Variants in PCDHGA5 observed in about 807,000 individuals in gnomAD.
PCDHGA5 encodes protocadherin gamma subfamily A, 5.
Under a neutral mutation model 56.7 loss-of-function variants are expected in PCDHGA5, and 36 were observed. The observed-to-expected ratio is 0.64, with a 90% CI of 0.49 to 0.84. The LOEUF is 0.84. Among genes scored for constraint, PCDHGA5 ranks in the 40% least tolerant of loss-of-function variants. The pLI is 0.00. For missense variants in PCDHGA5, 1,305 were observed against 1,201.5 expected (o/e 1.09, Z -1.27); for synonymous variants, 563 against 520.2 (o/e 1.08, Z -1.12).
chr5:141,425,015 A>G (rs1285592254), intron 1 of PCDHGA5, among the ~76,000 whole-genome samples: 2 of 152,190 alleles, frequency 1.3e-5, no homozygotes, highest in East Asian at 3.8e-4. Context: ...TCATTTAGGA[A>G]TTTACCTTAT....
rs1589316075 is a variant in PCDHGA5, at chr5:141,398,010, G to GAATTT, written c.2421+31259_2421+31260insAATTT. 8 of 1,407,812 alleles carry GAATTT rather than the reference G, an allele frequency of 5.7e-6. 1 individual carries two copies. The East Asian group carries it at 1.5e-4, about 27-fold the overall frequency. 87.2% of individuals were successfully genotyped at this position (1,407,812 alleles called of 1,614,324 possible). Reference sequence around the variant, plus strand: ...CCGCTTCCTCCTCGGAAAAAGAATCGTTTCCTAAACTGGAACTGGAACTAA... The same window carrying GAATTT: ...CCGCTTCCTCCTCGGAAAAAGAATCGAATTTTTTCCTAAACTGGAACTGGAACTAA... On this transcript the variant is annotated intron_variant, in intron 1 of 3. Transcript: ENST00000518069.
chr5:141,428,148 G>A (rs774961575), intron 1 of PCDHGA5: 6 of 1,588,024 alleles, frequency 3.8e-6, no homozygotes, highest in East Asian at 4.5e-5. Flanking sequence ...GCTGCACACG[G>A]GAACCTGCTG....
At chr5:141,370,775 C>T (rs1767193256) in intron 1 of PCDHGA5, 2 of 1,613,848 alleles carry the variant, frequency 1.2e-6, no homozygotes, top group South Asian at 1.1e-5. Flanking sequence ...AGGATATTAA[C>T]GACAACCCAC....
intron 1 of PCDHGA5, chr5:141,375,382 T>C (rs1197726438): frequency 6.2e-7 from 1 of 1,613,986 alleles, no homozygotes; most frequent in Non-Finnish European, 8.5e-7. Flanking sequence ...CACCTCTGTC[T>C]ACAGAAACAA....
intron 1 of PCDHGA5, chr5:141,393,614 C>G: frequency 6.2e-7 from 1 of 1,613,778 alleles, no homozygotes; most frequent in Non-Finnish European, 8.5e-7. Context: ...TAACAGCCAG[C>G]GACCCGGATG....
rs202183643 is a variant in PCDHGA5 at position 141,490,646 on chromosome 5, C to T, written c.2422-4161C>T. 9 of 1,614,186 alleles carry T rather than the reference C, an allele frequency of 5.6e-6. No homozygotes were observed. Among genetic ancestry groups the T allele is most frequent in the African/African-American group, 2.7e-5 (2 of 75,054 alleles). ...GCTTACATCCTAGAAAACCGGCCTC[C>T]GGGCTCCCTTCTTTGCACTGTGGCT... On this transcript the variant is annotated intron_variant, in intron 1 of 3. Transcript: ENST00000518069. The surrounding 1 kb of genome is among the most constrained non-coding windows in gnomAD (Gnocchi z 5.4).
rs201409669 is a variant in PCDHGA5 at position 141,490,703 on chromosome 5, G to A, written c.2422-4104G>A. The stretch of plus-strand genomic sequence containing the variant: ...GATCCAGACACTGGGGATAATGCCC[G>A]CCTCACCTACTCCATTGTAGGAAAT... On this transcript the variant is annotated intron_variant, in intron 1 of 3. Coordinates refer to ENST00000518069, the MANE Select transcript of PCDHGA5 (RefSeq NM_018918.3). This position sits in a 1 kb window ranked among gnomAD's most constrained non-coding sequence, Gnocchi z 5.4. 2.6e-4 allele frequency: 421 copies of A among 1,614,106 alleles called. No homozygotes were observed. Among genetic ancestry groups the A allele is most frequent in the Middle Eastern group, 6.6e-4 (4 of 6,062 alleles).
In PCDHGA5 at chr5:141,405,080, A is replaced by T. The variant is rs1382053021; in HGVS notation, c.2421+38329A>T. 2.5e-6 allele frequency: 4 copies of T among 1,613,560 alleles called. No individual in the cohort carries two copies. In the East Asian group the frequency reaches 6.7e-5, roughly 27 times the overall value. On this transcript the variant is annotated intron_variant, in intron 1 of 3. Coordinates refer to ENST00000518069, the MANE Select transcript of PCDHGA5 (RefSeq NM_018918.3). ...CTGTGTCTTCCTCACCTTCGTTATC[A>T]CGCTGCTGGCCCTCAGGCTGAGGCA...
chr5:141,408,676 G>A (rs1315766272), intron 1 of PCDHGA5: 2 of 1,613,652 alleles, frequency 1.2e-6, no homozygotes, highest in Non-Finnish European at 1.7e-6. Flanking sequence ...ACCCTGCCAC[G>A]GATCCTGATA....
At chr5:141,448,984 A>C (rs2098621334) in intron 1 of PCDHGA5, among the ~76,000 whole-genome samples, 1 of 152,086 alleles carries the variant, frequency 6.6e-6, no homozygotes, top group Non-Finnish European at 1.5e-5. Context: ...CTTCCATATT[A>C]ATATATAGAA....
At position 141,398,898 on chromosome 5, in the gene PCDHGA5, A is replaced by G. The variant is rs565517655; in HGVS notation, c.2421+32147A>G. 11 of 1,613,922 alleles carry G rather than the reference A, an allele frequency of 6.8e-6. No homozygotes were observed. The African/African-American group carries it at 1.1e-4, about 16-fold the overall frequency. ...TCAGCCTTCGGGAAAACGTGCCACCAGGCACCACTGTGTTGCAAGTGTCAG... is the reference window on the plus strand; with the variant it reads ...TCAGCCTTCGGGAAAACGTGCCACCGGGCACCACTGTGTTGCAAGTGTCAG... On this transcript the variant is annotated intron_variant, in intron 1 of 3. Coordinates refer to ENST00000518069, the MANE Select transcript of PCDHGA5 (RefSeq NM_018918.3).
rs2099621975 is a variant in PCDHGA5 at position 141,485,946 on chromosome 5, G to A, written c.2422-8861G>A. ...AGTGTGTTGGAGAGCGCACCAGCGG[G>A]CATGGTGCTCATCCAGCTCAATGCC... On this transcript the variant is annotated intron_variant, in intron 1 of 3. Transcript: ENST00000518069. This position sits in a 1 kb window ranked among gnomAD's most constrained non-coding sequence, Gnocchi z 5.7. The A allele has an allele frequency of 1.2e-6, 2 of 1,614,040 alleles. No homozygotes were observed. The highest frequency in any genetic ancestry group is 2.2e-5 in the East Asian group (1 of 44,884).
rs765754054 is a variant in PCDHGA5 at position 141,503,598 on chromosome 5, CA to C, written c.2481-1779del. Among the ~76,000 whole-genome samples, 277 of 65,728 alleles carry C rather than the reference CA, an allele frequency of 4.2e-3. 2 individuals are homozygous for C. The highest frequency in any genetic ancestry group is 0.012 in the Middle Eastern group (1 of 86). The allele number at this position is 65,728 out of a possible 152,430, so 43.1% of individuals were successfully genotyped here. A position where few individuals can be genotyped will look rare whatever the true frequency, so the allele number is the denominator to read the frequency against. ...TGGGTGACAGAGCGAGACTCCAGCT[CA>C]AAAAAAAAAAAAAAAGAAAAAAGAA... On this transcript the variant is annotated intron_variant, in intron 2 of 3. Coordinates refer to ENST00000518069, the MANE Select transcript of PCDHGA5 (RefSeq NM_018918.3).
chr5:141,374,416 G>A, intron 1 of PCDHGA5: 2 of 1,613,948 alleles, frequency 1.2e-6, no homozygotes, highest in Non-Finnish European at 1.7e-6. Context: ...TCCTTGTCGA[G>A]GATAAACTGA....
intron 1 of PCDHGA5, chr5:141,374,211 C>T (rs748746691): frequency 6.2e-6 from 10 of 1,613,954 alleles, no homozygotes; most frequent in Non-Finnish European, 8.5e-6. Context: ...GAGAAAGGCT[C>T]CTTCGTAGGC....
Position 141,490,457 on chromosome 5 carries a change from T to C in PCDHGA5, c.2422-4350T>C. 1 of 1,614,214 alleles carries C rather than the reference T, an allele frequency of 6.2e-7. No homozygotes were observed. Among genetic ancestry groups the C allele is most frequent in the Non-Finnish European group, 8.5e-7 (1 of 1,180,042 alleles). ...AAGCCTTCTGAGAACCACTACTCGC[T>C]GCTAACCAGCCAGCCTTTGGACCGG... On this transcript the variant is annotated intron_variant, in intron 1 of 3. Coordinates refer to ENST00000518069, the MANE Select transcript of PCDHGA5 (RefSeq NM_018918.3). The surrounding 1 kb of genome is among the most constrained non-coding windows in gnomAD (Gnocchi z 5.4).
chr5:141,399,460 G>C (rs1465606526), intron 1 of PCDHGA5: 1 of 1,613,962 alleles, frequency 6.2e-7, no homozygotes, highest in Admixed American at 1.7e-5. Context: ...CAACGATAAC[G>C]CTCCGGTTTT....
chr5:141,478,394 G>T (rs2099453142), intron 1 of PCDHGA5: 4 of 1,613,586 alleles, frequency 2.5e-6, no homozygotes, highest in Non-Finnish European at 3.4e-6. Flanking sequence ...TTACCATCAG[G>T]TGTATCTCAC....
intron 1 of PCDHGA5, chr5:141,433,358 C>CCTATCTATCTATCTATCTATCTAT: frequency 9.9e-6 from 5 of 503,368 alleles, no homozygotes; most frequent in South Asian, 2.6e-5. Flanking sequence ...CTACTGTCTG[C>CCTATCTATCTATCTATCTATCTAT]CTATCTATCT....
Sources: gnomAD v4.1 joint callset for allele counts (sites outside exome capture counted in the v4.1 genomes callset) on GRCh38, gnomAD v4.1.1 for gene constraint, Gnocchi (gnomAD v3.1) non-coding constraint, MANE v1.5 for transcripts, NCBI Gene and HGNC (gene_info 2026-07-23, HGNC 2026-07-21) for gene names.